The following FSTL5 variants were observed in gnomAD, a reference collection of about 807,000 sequenced individuals.
FSTL5 encodes the protein follistatin-related protein 5.
In FSTL5, 62 loss-of-function variants were observed where a neutral mutation model predicts 89.1. That is an observed-to-expected ratio of 0.70 (90% CI 0.57 to 0.86). The LOEUF is 0.86. FSTL5 is among the 40% of genes least tolerant of loss of function. FSTL5 has a pLI of 0.00. For missense variants in FSTL5, 1,057 were observed against 1,001.6 expected (o/e 1.06, Z -0.75); for synonymous variants, 383 against 346.2 (o/e 1.11, Z -1.18).
chr4:161,494,249 G>GA (rs1188482405), intron 12 of FSTL5, among the ~76,000 whole-genome samples: 4 of 150,560 alleles, frequency 2.7e-5, no homozygotes, highest in Non-Finnish European at 4.4e-5. Context: ...GACACCCTGA[G>GA]AAAAAAAAAT....
intron 1 of FSTL5, among the ~76,000 whole-genome samples, chr4:162,129,633 T>C (rs1223901090): frequency 6.6e-6 from 1 of 152,152 alleles, no homozygotes; most frequent in Non-Finnish European, 1.5e-5. Flanking sequence ...ATCATAGCAG[T>C]ATTAATAAGA....
chr4:161,660,880 G>C lies in FSTL5; in HGVS notation c.728-4386C>G, dbSNP rs192728792. ...TTGTTTATCCAGTGTATCATTAATG[G>C]GGATTTAGGCTGATTCCATGTCTTT... On this transcript the variant is annotated intron_variant, in intron 6 of 15. Transcript: ENST00000306100. 1.6e-3 allele frequency among the ~76,000 whole-genome samples: 238 copies of C among 152,094 alleles called. 1 individual carries two copies. Among genetic ancestry groups the C allele is most frequent in the African/African-American group, 5.3e-3 (221 of 41,520 alleles).
At chr4:161,775,820 T>G (rs567126907) in intron 5 of FSTL5, 58 bp downstream of exon 5, 1 of 869,436 alleles carries the variant, frequency 1.2e-6, no homozygotes, top group East Asian at 2.9e-5. Context: ...TTAGAAAAAG[T>G]AAATATATTG....
chr4:162,041,281 T>C (rs529680056), intron 2 of FSTL5, among the ~76,000 whole-genome samples: 4 of 148,976 alleles, frequency 2.7e-5, no homozygotes, highest in Non-Finnish European at 4.4e-5. Flanking sequence ...GGACATAGCA[T>C]AGACAAAGTT....
At chr4:161,995,145 G>C (rs1321907527) in intron 3 of FSTL5, among the ~76,000 whole-genome samples, 1 of 152,052 alleles carries the variant, frequency 6.6e-6, no homozygotes, top group African/African-American at 2.4e-5. Context: ...TACTCTGATA[G>C]AATGCAAGTT....
chr4:161,837,586 C>T (rs1247266755), intron 4 of FSTL5, among the ~76,000 whole-genome samples: 1 of 151,918 alleles, frequency 6.6e-6, no homozygotes, highest in African/African-American at 2.4e-5. Context: ...AGGTAAAGCA[C>T]TTTAAAATCA....
intron 1 of FSTL5, among the ~76,000 whole-genome samples, chr4:162,131,057 G>A (rs1470373848): frequency 6.6e-6 from 1 of 152,104 alleles, no homozygotes; most frequent in Non-Finnish European, 1.5e-5. Flanking sequence ...ATTTGAATTA[G>A]AACACAAATT....
chr4:162,085,049 T>C (rs959872247), intron 2 of FSTL5, among the ~76,000 whole-genome samples: 1 of 152,006 alleles, frequency 6.6e-6, no homozygotes, highest in African/African-American at 2.4e-5. Context: ...AAAAAATCTA[T>C]ACTAAATAAC....
chr4:161,467,890 A>G (rs1458498867), intron 13 of FSTL5, among the ~76,000 whole-genome samples: 1 of 152,142 alleles, frequency 6.6e-6, no homozygotes, highest in Non-Finnish European at 1.5e-5. Context: ...GTATTTTGGT[A>G]GCATATATAT....
At chr4:161,610,127 T>G (rs1003358588) in intron 7 of FSTL5, among the ~76,000 whole-genome samples, 2 of 152,092 alleles carry the variant, frequency 1.3e-5, no homozygotes, top group African/African-American at 4.8e-5. Flanking sequence ...TAGAGAAATT[T>G]TATACTGGAT....
chr4:161,838,640 G>C (rs1392252942), intron 4 of FSTL5, among the ~76,000 whole-genome samples: 2 of 152,098 alleles, frequency 1.3e-5, no homozygotes, highest in Non-Finnish European at 2.9e-5. Flanking sequence ...ATCAAAGGTT[G>C]ACATGTATCG....
chr4:161,812,496 A>T (rs1257907377), intron 4 of FSTL5, among the ~76,000 whole-genome samples: 1 of 133,038 alleles, frequency 7.5e-6, no homozygotes, highest in Non-Finnish European at 1.6e-5. Flanking sequence ...GTGTCTCAAT[A>T]GCCCATCTGT....
chr4:162,125,458 T>C (rs1388233328), intron 1 of FSTL5, among the ~76,000 whole-genome samples: 1 of 152,172 alleles, frequency 6.6e-6, no homozygotes, highest in East Asian at 1.9e-4. Context: ...AAAAGTTTAT[T>C]TGATTTATAA....
chr4:161,719,754 C>A (rs1739125760), intron 6 of FSTL5, among the ~76,000 whole-genome samples: 1 of 152,028 alleles, frequency 6.6e-6, no homozygotes, highest in Non-Finnish European at 1.5e-5. Flanking sequence ...ATTTCCCTTT[C>A]ACATAGTTTG....
chr4:161,438,383 T>A (rs1732647539), intron 15 of FSTL5, among the ~76,000 whole-genome samples: 1 of 152,158 alleles, frequency 6.6e-6, no homozygotes, highest in African/African-American at 2.4e-5. Context: ...AAACTGCTAC[T>A]TAGAAATAAG....
intron 10 of FSTL5, among the ~76,000 whole-genome samples, chr4:161,536,705 A>G (rs551123814): frequency 1.3e-5 from 2 of 152,252 alleles, no homozygotes; most frequent in East Asian, 1.9e-4. Flanking sequence ...TTCACACACT[A>G]AAAGGTTGTA....
intron 10 of FSTL5, among the ~76,000 whole-genome samples, chr4:161,517,248 T>C (rs1001148026): frequency 2.6e-5 from 4 of 152,178 alleles, no homozygotes; most frequent in Non-Finnish European, 4.4e-5. Context: ...TTGGACTAAA[T>C]AACTTTTCCT....
At chr4:161,839,252 T>C (rs72979202) in intron 4 of FSTL5, among the ~76,000 whole-genome samples, 1,922 of 152,168 alleles carry the variant, frequency 0.013, 36 homozygotes, top group African/African-American at 0.043. Flanking sequence ...TTTGAAAATA[T>C]TAATGCAATG....
chr4:161,487,171 C>A (rs1729709137), intron 12 of FSTL5, among the ~76,000 whole-genome samples: 1 of 152,084 alleles, frequency 6.6e-6, no homozygotes, highest in African/African-American at 2.4e-5. Flanking sequence ...TCCAGTATTT[C>A]TACATTTCCC....
Sources: gnomAD v4.1 joint callset for allele counts (sites outside exome capture counted in the v4.1 genomes callset) on GRCh38, gnomAD v4.1.1 for gene constraint, MANE v1.5 for transcripts, NCBI Gene and HGNC (gene_info 2026-07-23, HGNC 2026-07-21) for gene names.